EP300: variants seen among roughly 807,000 people sequenced by gnomAD.
The protein encoded by EP300 is EP300 lysine acetyltransferase, also known as histone acetyltransferase p300.
Under a neutral mutation model 264.0 loss-of-function variants are expected in EP300, and 31 were observed. The ratio of observed to expected loss-of-function variants is 0.12; its 90% confidence interval spans 0.09 to 0.16. The LOEUF is 0.16. Ranked by LOEUF, EP300 falls within the 10% of genes least tolerant of loss-of-function variation. The pLI, the probability that EP300 is intolerant of heterozygous loss-of-function variation, is 1.00. For missense variants in EP300, 2,766 were observed against 3,052.9 expected (o/e 0.91, Z 2.21); for synonymous variants, 1,340 against 1,045.4 (o/e 1.28, Z -5.44).
At chr22:41,108,066 T>C (rs1329842900) in intron 1 of EP300, 1 of 151,630 alleles carries the variant, frequency 6.6e-6, no homozygotes, top group African/African-American at 2.4e-5. Flanking sequence ...CCACAAGCAA[T>C]ATAGAAGACA....
In EP300 at chr22:41,173,514, C is replaced by T. The variant is rs994158614; in HGVS notation, c.4618-109C>T. ...AGAGAACAGCTAGTAAAATAAGTTA[C>T]AGGCATAAGATTATGATATCTAGTT... On this transcript the variant is annotated intron_variant, in intron 28 of 30. Transcript: ENST00000263253. 8.1e-5 allele frequency: 92 copies of T among 1,134,056 alleles called. No homozygotes were observed. The African/African-American group carries it at 9.2e-4, about 11-fold the overall frequency. The allele number at this position is 1,134,056 out of a possible 1,614,324, so 70.2% of individuals were successfully genotyped here.
chr22:41,152,465 C>T lies in EP300; in HGVS notation c.3142+115C>T, dbSNP rs1311198929. 3 of 1,197,928 alleles carry T rather than the reference C, an allele frequency of 2.5e-6. No individual in the cohort carries two copies. The South Asian group carries it at 4.0e-5, about 16-fold the overall frequency. The allele number at this position is 1,197,928 out of a possible 1,614,324, so 74.2% of individuals were successfully genotyped here. A position where few individuals can be genotyped will look rare whatever the true frequency, so the allele number is the denominator to read the frequency against. On this transcript the variant is annotated intron_variant, in intron 16 of 30. Coordinates refer to ENST00000263253, the MANE Select transcript of EP300 (RefSeq NM_001429.4). Reference sequence around the variant, plus strand: ...GTTGCCATTATTGTGATTTCATTAACCTGGAAGCCCTGGGCCTGGTCTCTT... The same window carrying T: ...GTTGCCATTATTGTGATTTCATTAATCTGGAAGCCCTGGGCCTGGTCTCTT...
intron 22 of EP300, among the ~76,000 whole-genome samples, chr22:41,164,484 G>C (rs2145756866): frequency 6.6e-6 from 1 of 152,296 alleles, no homozygotes; most frequent in Non-Finnish European, 1.5e-5. Flanking sequence ...GGCCGAGGCG[G>C]GCGGATCACC....
intron 27 of EP300, among the ~76,000 whole-genome samples, chr22:41,171,754 GGCAT>G: frequency 6.6e-6 from 1 of 151,674 alleles, no homozygotes; most frequent in East Asian, 1.9e-4. Context: ...TGGGATTACA[GGCAT>G]GCACCACCAA....
chr22:41,150,916 T>C (rs2059040732), intron 14 of EP300, among the ~76,000 whole-genome samples: 1 of 151,674 alleles, frequency 6.6e-6, no homozygotes, highest in African/African-American at 2.4e-5. Context: ...ATTGCAGATT[T>C]ATGAGTCCTT....
In EP300 at chr22:41,117,798, T is replaced by C. The variant is rs370931638; in HGVS notation, c.706T>C (p.Leu236=). Reference sequence around the variant, plus strand: ...TCCCCAGATGGGAGGACAAACAGGATTGAGAGGCCCCCAGCCTCTTAAGGT... The same window carrying C: ...TCCCCAGATGGGAGGACAAACAGGACTGAGAGGCCCCCAGCCTCTTAAGGT... ...GSPQMGGQTG[L]RGPQPLKMGM... Residue 236 remains leucine (L), a synonymous_variant, in exon 2 of 31, where the codon TTG becomes CTG. Coordinates refer to ENST00000263253, the MANE Select transcript of EP300 (RefSeq NM_001429.4). The C allele has an allele frequency of 5.6e-6, 9 of 1,614,006 alleles. No homozygotes were observed. Among genetic ancestry groups the C allele is most frequent in the Non-Finnish European group, 7.6e-6 (9 of 1,180,042 alleles).
At chr22:41,096,438 C>T (rs1174160483) in intron 1 of EP300, among the ~76,000 whole-genome samples, 1 of 151,972 alleles carries the variant, frequency 6.6e-6, no homozygotes, top group Non-Finnish European at 1.5e-5. Flanking sequence ...GGTAAAGATC[C>T]TTCTGGTCTT....
chr22:41,174,893 G>A (rs1454860615), intron 29 of EP300: 3 of 152,078 alleles, frequency 2.0e-5, no homozygotes, highest in African/African-American at 4.8e-5. Flanking sequence ...TTATCATGGT[G>A]AACACCTATA....
rs751723154 is a variant in EP300, at chr22:41,177,567, C to A, written c.5856C>A (p.Ile1952=). Residue 1952 remains isoleucine, a synonymous_variant, in exon 31 of 31, where the codon ATC becomes ATA. Transcript: ENST00000263253. ...ACGTGCAAATTTTTCAAAGGCCAAT[C>A]CAACACCAGATGCCCCCGATGACTC... ...MAHVQIFQRP[I]QHQMPPMTPM... 1 of 1,614,184 alleles carries A rather than the reference C, an allele frequency of 6.2e-7. No homozygotes were observed. Among genetic ancestry groups the A allele is most frequent in the Non-Finnish European group, 8.5e-7 (1 of 1,180,042 alleles).
chr22:41,111,614 C>G (rs997168445), intron 1 of EP300, among the ~76,000 whole-genome samples: 1 of 152,030 alleles, frequency 6.6e-6, no homozygotes, highest in Admixed American at 6.5e-5. Flanking sequence ...ACTATCTGGG[C>G]TCACCACAAC....
At chr22:41,100,635 A>G (rs2058726720) in intron 1 of EP300, among the ~76,000 whole-genome samples, 1 of 151,998 alleles carries the variant, frequency 6.6e-6, no homozygotes, top group Non-Finnish European at 1.5e-5. Flanking sequence ...AATACAGTGC[A>G]CCAACTATTT....
intron 7 of EP300, among the ~76,000 whole-genome samples, chr22:41,137,338 CAG>C (rs1402572000): frequency 1.8e-5 from 2 of 111,198 alleles, no homozygotes; most frequent in Non-Finnish European, 3.4e-5. Context: ...GCCTGGGCAA[CAG>C]AGCAAGACTT....
intron 1 of EP300, among the ~76,000 whole-genome samples, chr22:41,098,200 G>A (rs1034433749): frequency 1.5e-4 from 22 of 151,460 alleles, no homozygotes; most frequent in South Asian, 1.0e-3. Context: ...ATTTTTTTTC[G>A]CTTAATAGAC....
At position 41,102,856 on chromosome 22, in the gene EP300, A is replaced by ATTAT. The variant is rs1283477142; in HGVS notation, c.94+9773_94+9776dup. Reference sequence around the variant, plus strand: ...CAACTTGTTGGGTGATGATTTATTTATTATTTATTTATTTATTTTGAGACA... The same window carrying ATTAT: ...CAACTTGTTGGGTGATGATTTATTTATTATTTATTTATTTATTTATTTTGAGACA... On this transcript the variant is annotated intron_variant, in intron 1 of 30. Coordinates refer to ENST00000263253, the MANE Select transcript of EP300 (RefSeq NM_001429.4). Among the ~76,000 whole-genome samples the ATTAT allele has an allele frequency of 3.3e-5, 5 of 152,044 alleles. No homozygotes were observed. In the South Asian group the frequency reaches 6.2e-4, roughly 19 times the overall value.
At chr22:41,168,298 C>T (rs900741173) in intron 23 of EP300, 151 bp from the exon 24 acceptor site, 7 of 807,148 alleles carry the variant, frequency 8.7e-6, no homozygotes, top group African/African-American at 8.5e-5. Flanking sequence ...TGTAAATCTG[C>T]AAAGTAGTGA....
intron 1 of EP300, among the ~76,000 whole-genome samples, chr22:41,111,271 C>G (rs764609744): frequency 2.6e-4 from 40 of 152,216 alleles, no homozygotes; most frequent in South Asian, 1.7e-3. Flanking sequence ...CCACTGTGCC[C>G]GGCTCTACAT....
chr22:41,176,618 G>A, intron 30 of EP300, 90 bp downstream of exon 30: 2 of 1,607,074 alleles, frequency 1.2e-6, no homozygotes, highest in South Asian at 2.2e-5. Context: ...AGGCCTGTGG[G>A]ATGCTAGGGG....
rs886057578 is a variant in EP300 at position 41,179,876 on chromosome 22, C to CCACA, written c.*923_*924insACAC. ...GCTTTCTTCCTCCTTACCCTACCCC[C>CCACA]CACTCACACACACACACACACACAC... On this transcript the variant is annotated 3_prime_UTR_variant, in exon 31 of 31. Transcript: ENST00000263253. 2.9e-4 allele frequency: 38 copies of CCACA among 131,490 alleles called. No homozygotes were observed. The highest frequency in any genetic ancestry group is 7.3e-4 in the Admixed American group (6 of 8,248). The allele number at this position is 131,490 out of a possible 1,614,324, so 8.1% of individuals were successfully genotyped here.
At chr22:41,136,269 C>T (rs2058949986) in intron 7 of EP300, among the ~76,000 whole-genome samples, 1 of 152,236 alleles carries the variant, frequency 6.6e-6, no homozygotes, top group African/African-American at 2.4e-5. Context: ...CGCGATCCGT[C>T]TGCCTCAGTC....
Sources: allele counts gnomAD v4.1 joint callset (sites outside exome capture counted in the v4.1 genomes callset), GRCh38; gene constraint gnomAD v4.1.1; transcripts MANE v1.5; gene names NCBI Gene and HGNC (gene_info 2026-07-23, HGNC 2026-07-21).